The following UPRT variants were observed in gnomAD, a reference collection of about 807,000 sequenced individuals.
UPRT encodes the protein RP11-311P8.3.
A neutral mutation model predicts 22.6 loss-of-function variants in UPRT; 5 were observed. The ratio of observed to expected loss-of-function variants is 0.22; its 90% CI spans 0.12 to 0.47. The LOEUF (loss-of-function observed/expected upper bound fraction) is 0.47. Ranked by LOEUF, UPRT falls within the 20% of genes least tolerant of loss-of-function variation. UPRT has a pLI of 0.99. For missense variants in UPRT, 181 were observed against 239.9 expected, an observed-to-expected ratio of 0.75 and a Z score of 1.62; for synonymous variants, 77 against 87.7, an observed-to-expected ratio of 0.88 and a Z score of 0.68.
chrX:75,209,022 G>C (rs1310667747), intron 4 of UPRT, among the ~76,000 whole-genome samples: 3 of 111,870 alleles, frequency 2.7e-5, no homozygotes, highest in Non-Finnish European at 5.6e-5. Flanking sequence ...CCTGCCTCAA[G>C]ATAGGAGTAG....
At chrX:75,241,355 C>T (rs2082487894) in intron 4 of UPRT, among the ~76,000 whole-genome samples, 1 of 111,558 alleles carries the variant, frequency 9.0e-6, no homozygotes, top group Admixed American at 9.6e-5. Flanking sequence ...CAGGGAAATG[C>T]AAATCTAAAC....
intron 4 of UPRT, among the ~76,000 whole-genome samples, chrX:75,233,022 A>G (rs2082444912): frequency 8.9e-6 from 1 of 111,858 alleles, no homozygotes; most frequent in Non-Finnish European, 1.9e-5. Context: ...AAAGGTAAAG[A>G]AGTTGAAAAC....
intron 4 of UPRT, among the ~76,000 whole-genome samples, chrX:75,250,900 G>C (rs1190809880): frequency 1.7e-4 from 19 of 111,999 alleles, no homozygotes; most frequent in African/African-American, 5.8e-4. Context: ...TGCAAGACTA[G>C]TTCAACATAT....
intron 4 of UPRT, among the ~76,000 whole-genome samples, chrX:75,191,588 C>T (rs1236604802): frequency 8.9e-6 from 1 of 112,021 alleles, no homozygotes; most frequent in Non-Finnish European, 1.9e-5. Context: ...AGGCAGGCCT[C>T]CTTGAGCTGT....
chrX:75,257,474 A>G (rs764378777), intron 4 of UPRT, among the ~76,000 whole-genome samples: 1 of 111,586 alleles, frequency 9.0e-6, no homozygotes, highest in Admixed American at 9.5e-5. Flanking sequence ...AACAATGCCC[A>G]CTCTCACTGC....
chrX:75,197,042 G>A (rs959012283), intron 4 of UPRT, among the ~76,000 whole-genome samples: 1 of 110,931 alleles, frequency 9.0e-6, no homozygotes, highest in Non-Finnish European at 1.9e-5. Flanking sequence ...AGATTCCACT[G>A]GTGATACCTT....
intron 4 of UPRT, among the ~76,000 whole-genome samples, chrX:75,266,424 T>C (rs1286764806): frequency 2.7e-5 from 3 of 111,702 alleles, no homozygotes; most frequent in African/African-American, 9.8e-5. Context: ...CCTTACACCT[T>C]ATAATAAAAT....
chrX:75,210,747 G>A (rs2082378326), intron 4 of UPRT, among the ~76,000 whole-genome samples: 1 of 110,279 alleles, frequency 9.1e-6, no homozygotes, highest in African/African-American at 3.3e-5. Context: ...GCATTTTTGC[G>A]GGTTTTTTGT....
At chrX:75,188,844 C>T (rs1413757998) in intron 4 of UPRT, among the ~76,000 whole-genome samples, 3 of 112,044 alleles carry the variant, frequency 2.7e-5, no homozygotes, top group East Asian at 2.8e-4. Flanking sequence ...TGACCCCCTT[C>T]GCTTCCCGAG....
chrX:75,296,337 T>G lies in UPRT; in HGVS notation c.430-5T>G, dbSNP rs1303014763. 8.3e-7 allele frequency: 1 copy of G among 1,207,681 alleles called. No individual in the cohort carries two copies. Among genetic ancestry groups the G allele is most frequent in the African/African-American group, 1.8e-5 (1 of 57,050 alleles). ...TCTCAACTTCTTCTTCCTTTGACTC[T>G]CTAGATCAGACTTGTTGTGGAAGAG... is the stretch of plus-strand genomic sequence containing the variant. On this transcript the variant is annotated splice_region_variant and splice_polypyrimidine_tract_variant and intron_variant, in intron 2 of 6. Coordinates refer to ENST00000373383, the MANE Select transcript of UPRT (RefSeq NM_145052.4).
At chrX:75,226,962 G>T (rs755158672) in intron 4 of UPRT, among the ~76,000 whole-genome samples, 111 of 110,506 alleles carry the variant, frequency 1.0e-3, no homozygotes, top group Non-Finnish European at 1.6e-3. Flanking sequence ...GGCACTTCTG[G>T]TATGGGAGAA....
chrX:75,190,092 G>T (rs2082309745), intron 4 of UPRT, among the ~76,000 whole-genome samples: 1 of 112,015 alleles, frequency 8.9e-6, no homozygotes, highest in Non-Finnish European at 1.9e-5. Flanking sequence ...TTACATGTTG[G>T]CATATTTTTG....
Position 75,162,023 on chromosome X carries a change from T to A in UPRT, c.-614-1109T>A, listed in dbSNP as rs768488251. Among the ~76,000 whole-genome samples, 9 of 111,528 alleles carry A rather than the reference T, an allele frequency of 8.1e-5. No homozygotes were observed. In the East Asian group the frequency reaches 2.5e-3, roughly 31 times the overall value. The stretch of plus-strand genomic sequence containing the variant: ...ATAAGAATCATCTCCTTTTGAACAC[T>A]ATGCATTGGGTCCATCCCAAGAGTC... On this transcript the variant is annotated intron_variant, in intron 2 of 13. Coordinates refer to the UPRT transcript ENST00000652605.
chrX:75,243,087 T>C (rs2082493511), intron 4 of UPRT, among the ~76,000 whole-genome samples: 1 of 111,257 alleles, frequency 9.0e-6, no homozygotes, highest in Admixed American at 9.6e-5. Flanking sequence ...TTCATCAAAA[T>C]GTGGGAAGCA....
At chrX:75,239,751 AT>A (rs2082482320) in intron 4 of UPRT, among the ~76,000 whole-genome samples, 1 of 111,836 alleles carries the variant, frequency 8.9e-6, no homozygotes, top group African/African-American at 3.2e-5. Context: ...ATAATACATC[AT>A]GATTAAGTGG....
At chrX:75,178,895 T>A (rs922306273) in intron 4 of UPRT, among the ~76,000 whole-genome samples, 2 of 111,926 alleles carry the variant, frequency 1.8e-5, no homozygotes, top group Non-Finnish European at 3.8e-5. Flanking sequence ...AGCCTGCTTT[T>A]ATTCTCTTAT....
intron 4 of UPRT, among the ~76,000 whole-genome samples, chrX:75,267,985 A>G (rs182811609): frequency 1.3e-4 from 14 of 111,667 alleles, no homozygotes; most frequent in Admixed American, 1.2e-3. Flanking sequence ...TGGTTTTTCG[A>G]AAAGATCAAC....
chrX:75,262,502 A>G (rs963803847), intron 4 of UPRT, among the ~76,000 whole-genome samples: 7 of 111,924 alleles, frequency 6.3e-5, no homozygotes, highest in African/African-American at 2.3e-4. Context: ...TTGGATGAAG[A>G]TTCAAGACCC....
At chrX:75,187,112 T>G (rs2082295671) in intron 4 of UPRT, among the ~76,000 whole-genome samples, 1 of 112,011 alleles carries the variant, frequency 8.9e-6, no homozygotes, top group African/African-American at 3.3e-5. Flanking sequence ...ATTTTCTTCC[T>G]AGTCTTGATG....
Sources: allele counts gnomAD v4.1 joint callset (sites outside exome capture counted in the v4.1 genomes callset), GRCh38; gene constraint gnomAD v4.1.1; transcripts MANE v1.5; gene names NCBI Gene and HGNC (gene_info 2026-07-23, HGNC 2026-07-21).